The following BCAS3 variants were observed in gnomAD, a reference collection of about 807,000 sequenced individuals.
The protein encoded by BCAS3 is BCAS4/BCAS3 fusion.
A neutral mutation model predicts 116.1 loss-of-function variants in BCAS3; 53 were observed. The ratio of observed to expected loss-of-function variants is 0.46; its 90% confidence interval spans 0.37 to 0.57. The LOEUF (loss-of-function observed/expected upper bound fraction) is 0.57. Among genes scored for constraint, BCAS3 ranks in the 20% least tolerant of loss-of-function variants. The pLI is 0.00. For missense variants in BCAS3, 917 were observed against 1,165.4 expected (o/e 0.79, Z 3.10); for synonymous variants, 391 against 408.2 (o/e 0.96, Z 0.51).
Position 61,041,480 on chromosome 17 carries a change from A to C in BCAS3, c.2029+588A>C, listed in dbSNP as rs2067505194. On this transcript the variant is annotated intron_variant, in intron 19 of 23. Coordinates refer to ENST00000407086, the MANE Select transcript of BCAS3 (RefSeq NM_017679.5). This position sits in a 1 kb window ranked among gnomAD's most constrained non-coding sequence, Gnocchi z 4.7. ...GTCATTTAAAGGCAATTTAGTATTTATTATCCAGTTTGCGTTTATAGAATT... is the reference window on the plus strand; with the variant it reads ...GTCATTTAAAGGCAATTTAGTATTTCTTATCCAGTTTGCGTTTATAGAATT... Among the ~76,000 whole-genome samples, 2 of 152,050 alleles carry C rather than the reference A, an allele frequency of 1.3e-5. No homozygotes were observed. Among genetic ancestry groups the C allele is most frequent in the South Asian group, 4.1e-4 (2 of 4,822 alleles).
chr17:61,001,175 G>C (rs2064212273), intron 15 of BCAS3, among the ~76,000 whole-genome samples: 1 of 152,094 alleles, frequency 6.6e-6, no homozygotes, highest in Admixed American at 6.5e-5. Flanking sequence ...TTTCTAAATG[G>C]AAGTAGTTGA....
intron 22 of BCAS3, among the ~76,000 whole-genome samples, chr17:61,291,456 G>T (rs1422487752): frequency 2.0e-5 from 3 of 152,194 alleles, no homozygotes; most frequent in African/African-American, 4.8e-5. Context: ...CTGTTTTCAA[G>T]CCAACTGCTA....
At chr17:60,810,173 C>T (rs2048664871) in intron 7 of BCAS3, 17 of 421,252 alleles carry the variant, frequency 4.0e-5, no homozygotes, top group South Asian at 3.7e-4. Flanking sequence ...GCATGAGCTT[C>T]ACCACTTGCT....
rs754671905 is a variant in BCAS3 at position 60,814,299 on chromosome 17, G to GCGCGCGTGCA, written c.476+6223_476+6224insCGCGCGTGCA. On this transcript the variant is annotated intron_variant, in intron 7 of 23. Transcript: ENST00000407086. ...TGTGTGTGTGTGTGTGTGTGTGTGT[G>GCGCGCGTGCA]TGTGTGTGCGCGCGTGCCCATTGCA... 2.4e-3 allele frequency among the ~76,000 whole-genome samples: 304 copies of GCGCGCGTGCA among 126,432 alleles called. 4 individuals carry two copies. The highest frequency in any genetic ancestry group is 0.016 in the South Asian group (74 of 4,690). 82.9% of individuals were successfully genotyped at this position (126,432 alleles called of 152,430 possible).
At chr17:61,216,735 G>A (rs1689791718) in intron 22 of BCAS3, among the ~76,000 whole-genome samples, 1 of 149,934 alleles carries the variant, frequency 6.7e-6, no homozygotes, top group African/African-American at 2.4e-5. Context: ...GTAGAGACGG[G>A]GTTTCACCAT....
intron 23 of BCAS3, among the ~76,000 whole-genome samples, chr17:61,370,386 T>C (rs1299409864): frequency 6.8e-6 from 1 of 147,152 alleles, no homozygotes; most frequent in Non-Finnish European, 1.5e-5. Context: ...AGAAAAAACT[T>C]GTTCTTTTTT....
In BCAS3 at chr17:61,355,487, A is replaced by T. The variant is rs1275825156; in HGVS notation, c.2426-12840A>T. On this transcript the variant is annotated intron_variant, in intron 22 of 23. Coordinates refer to ENST00000407086, the MANE Select transcript of BCAS3 (RefSeq NM_017679.5). This position sits in a 1 kb window ranked among gnomAD's most constrained non-coding sequence, Gnocchi z 4.2. ...CTCCAGCCATATTTTCAAAAAAAAAAATTCAGCATGGTAGTTTTAGTGGAG... is the reference window on the plus strand; with the variant it reads ...CTCCAGCCATATTTTCAAAAAAAAATATTCAGCATGGTAGTTTTAGTGGAG... 1.3e-5 allele frequency among the ~76,000 whole-genome samples: 2 copies of T among 152,032 alleles called. No individual in the cohort carries two copies. Among genetic ancestry groups the T allele is most frequent in the African/African-American group, 4.8e-5 (2 of 41,406 alleles).
At chr17:60,711,302 T>C (rs759746626) in intron 5 of BCAS3, among the ~76,000 whole-genome samples, 25 of 152,296 alleles carry the variant, frequency 1.6e-4, no homozygotes, top group Non-Finnish European at 3.2e-4. Flanking sequence ...AATTTTGGTA[T>C]TGTTCCAAAG....
chr17:61,223,244 A>C (rs2082208502), intron 22 of BCAS3, among the ~76,000 whole-genome samples: 1 of 120,104 alleles, frequency 8.3e-6, no homozygotes, highest in African/African-American at 3.3e-5. Context: ...TGCAACCTCC[A>C]CCTCCTGGGT....
intron 15 of BCAS3, among the ~76,000 whole-genome samples, chr17:61,000,746 T>A (rs1160543005): frequency 6.6e-6 from 1 of 152,146 alleles, no homozygotes; most frequent in East Asian, 1.9e-4. Flanking sequence ...CTTTAAAGGC[T>A]TTTAGAACAA....
At chr17:60,977,616 A>G (rs2062495938) in intron 14 of BCAS3, among the ~76,000 whole-genome samples, 2 of 151,578 alleles carry the variant, frequency 1.3e-5, no homozygotes, top group South Asian at 2.1e-4. Flanking sequence ...CTCGTCATCT[A>G]GCATTAGGTA....
At chr17:61,121,558 A>G (rs1176227803) in intron 22 of BCAS3, among the ~76,000 whole-genome samples, 1 of 152,234 alleles carries the variant, frequency 6.6e-6, no homozygotes, top group African/African-American at 2.4e-5. Context: ...TTGTGGATTT[A>G]TACAACTTTA....
At chr17:60,749,295 T>G (rs1266061458) in intron 6 of BCAS3, among the ~76,000 whole-genome samples, 1 of 152,254 alleles carries the variant, frequency 6.6e-6, no homozygotes, top group African/African-American at 2.4e-5. Flanking sequence ...TTCGAAGGCA[T>G]TGGTGTAACA....
At chr17:60,892,933 A>G (rs1488989180) in intron 10 of BCAS3, among the ~76,000 whole-genome samples, 1 of 152,128 alleles carries the variant, frequency 6.6e-6, no homozygotes, top group East Asian at 1.9e-4. Context: ...AAAAATAAAA[A>G]TAAAAATAAA....
At chr17:60,965,052 A>G (rs939490090) in intron 14 of BCAS3, among the ~76,000 whole-genome samples, 27 of 151,322 alleles carry the variant, frequency 1.8e-4, no homozygotes, top group African/African-American at 6.3e-4. Context: ...TCTGATCTTT[A>G]TTATTTCTGT....
intron 12 of BCAS3, among the ~76,000 whole-genome samples, chr17:60,920,303 A>G (rs2059004810): frequency 6.6e-6 from 1 of 152,226 alleles, no homozygotes. Context: ...CTATCAACAG[A>G]GCAAACAGAC....
chr17:61,086,840 G>C, intron 22 of BCAS3: 1 of 985,326 alleles, frequency 1.0e-6, no homozygotes, highest in Non-Finnish European at 1.2e-6. Flanking sequence ...TCTCTCTTCA[G>C]CTACCTCTCA....
intron 22 of BCAS3, among the ~76,000 whole-genome samples, chr17:61,099,752 T>C (rs1454554456): frequency 6.6e-6 from 1 of 152,210 alleles, no homozygotes; most frequent in African/African-American, 2.4e-5. Context: ...CTGGTAAACA[T>C]CTGTTGAAAA....
At position 61,369,016 on chromosome 17, in the gene BCAS3, C is replaced by T. The variant is rs138334525; in HGVS notation, c.2593+522C>T. Among the ~76,000 whole-genome samples, 7 of 152,276 alleles carry T rather than the reference C, an allele frequency of 4.6e-5. No individual in the cohort carries two copies. The East Asian group carries it at 1.4e-3, about 29-fold the overall frequency. Reference sequence around the variant, plus strand: ...CTAGGGTCTGGGTGGCTTCCTGCATCCCAGAGCAATCAGAAGACATCCTTA... The same window carrying T: ...CTAGGGTCTGGGTGGCTTCCTGCATTCCAGAGCAATCAGAAGACATCCTTA... On this transcript the variant is annotated intron_variant, in intron 23 of 23. Transcript: ENST00000407086.
Sources: gnomAD v4.1 joint callset for allele counts (sites outside exome capture counted in the v4.1 genomes callset) on GRCh38, gnomAD v4.1.1 for gene constraint, Gnocchi (gnomAD v3.1) non-coding constraint, MANE v1.5 for transcripts, NCBI Gene and HGNC (gene_info 2026-07-23, HGNC 2026-07-21) for gene names.